The following PHACTR1 variants were observed in gnomAD, a reference collection of about 807,000 sequenced individuals.
The protein encoded by PHACTR1 is RPEL repeat containing 1.
A neutral mutation model predicts 69.2 loss-of-function variants in PHACTR1; 16 were observed. The ratio of observed to expected loss-of-function variants is 0.23; its 90% CI spans 0.16 to 0.35. The LOEUF (loss-of-function observed/expected upper bound fraction) is 0.35. PHACTR1 is among the 10% of genes least tolerant of loss of function. PHACTR1 has a pLI of 1.00. For missense variants in PHACTR1, 510 were observed against 734.7 expected (o/e 0.69, Z 3.54); for synonymous variants, 312 against 284.5 (o/e 1.10, Z -0.97).
intron 4 of PHACTR1, among the ~76,000 whole-genome samples, chr6:12,837,804 G>A (rs1449970744): frequency 1.3e-5 from 2 of 152,210 alleles, no homozygotes; most frequent in African/African-American, 2.4e-5. Flanking sequence ...ACAGTAATAG[G>A]TATGTGTATT....
intron 4 of PHACTR1, among the ~76,000 whole-genome samples, chr6:12,827,246 G>A (rs532369652): frequency 9.9e-5 from 15 of 152,256 alleles, no homozygotes; most frequent in African/African-American, 2.6e-4. Context: ...TAGATGAGAA[G>A]GCAAATTCGC....
intron 1 of PHACTR1, among the ~76,000 whole-genome samples, chr6:12,717,115 C>T (rs529272879): frequency 1.3e-5 from 2 of 152,144 alleles, no homozygotes; most frequent in South Asian, 2.1e-4. Context: ...ATGCCGGTGG[C>T]TGTTCTGTGT....
intron 4 of PHACTR1, among the ~76,000 whole-genome samples, chr6:12,842,407 G>A (rs1778787407): frequency 1.3e-5 from 2 of 152,290 alleles, no homozygotes; most frequent in Middle Eastern, 3.4e-3. Context: ...AGGAGGCTGT[G>A]TAATTTTGCC....
In PHACTR1 at chr6:13,283,183, AGGGTATGT is replaced by A; in HGVS notation, c.1510-238_1510-231del. 1 of 387,360 alleles carries A rather than the reference AGGGTATGT, an allele frequency of 2.6e-6. No homozygotes were observed. Among genetic ancestry groups the A allele is most frequent in the Non-Finnish European group, 4.6e-6 (1 of 219,336 alleles). The allele number at this position is 387,360 out of a possible 1,614,324, so 24.0% of individuals were successfully genotyped here. A position where few individuals can be genotyped will look rare whatever the true frequency, so the allele number is the denominator to read the frequency against. On this transcript the variant is annotated intron_variant, in intron 12 of 14. Coordinates refer to ENST00000332995, the MANE Select transcript of PHACTR1 (RefSeq NM_030948.6). The surrounding 1 kb of genome is among the most constrained non-coding windows in gnomAD (Gnocchi z 4.7). ...TAAAAAAAAAAAGAGCTTGGCCTAG[AGGGTATGT>A]AAGGGATAACAAAGCTCTCTCTTAG...
chr6:12,936,372 A>G (rs1029956497), intron 4 of PHACTR1, among the ~76,000 whole-genome samples: 1 of 152,244 alleles, frequency 6.6e-6, no homozygotes, highest in Non-Finnish European at 1.5e-5. Context: ...ACAAAATTAG[A>G]ATGTAATTGC....
At chr6:12,736,281 G>C (rs1764244995) in intron 3 of PHACTR1, among the ~76,000 whole-genome samples, 1 of 152,082 alleles carries the variant, frequency 6.6e-6, no homozygotes, top group African/African-American at 2.4e-5. Flanking sequence ...AGCTTTTCAT[G>C]AATGATTTTC....
chr6:13,251,056 T>C (rs1264099475), intron 10 of PHACTR1, among the ~76,000 whole-genome samples: 1 of 152,172 alleles, frequency 6.6e-6, no homozygotes, highest in Non-Finnish European at 1.5e-5. Context: ...CTACTGACAG[T>C]GGTCCCTGTG....
intron 8 of PHACTR1, among the ~76,000 whole-genome samples, chr6:13,226,960 T>A (rs1323646717): frequency 2.0e-5 from 3 of 152,096 alleles, no homozygotes; most frequent in African/African-American, 4.8e-5. Context: ...ATGGTCTCGA[T>A]CTCTTGACCC....
chr6:12,968,754 C>T (rs906137121), intron 4 of PHACTR1, among the ~76,000 whole-genome samples: 2 of 152,146 alleles, frequency 1.3e-5, no homozygotes, highest in Non-Finnish European at 2.9e-5. Flanking sequence ...ATAATTGACA[C>T]AAATGGACTC....
At chr6:12,768,835 C>G (rs1039087564) in intron 4 of PHACTR1, among the ~76,000 whole-genome samples, 5 of 150,178 alleles carry the variant, frequency 3.3e-5, no homozygotes, top group African/African-American at 1.2e-4. Context: ...CACACACACA[C>G]ACACACACAC....
At chr6:12,933,539 A>G (rs1789100814) in intron 4 of PHACTR1, 3 of 1,549,178 alleles carry the variant, frequency 1.9e-6, no homozygotes, top group African/African-American at 1.4e-5. Context: ...ACTATTTAAT[A>G]TAATGGATCT....
intron 5 of PHACTR1, among the ~76,000 whole-genome samples, chr6:13,147,866 TA>T (rs2113412766): frequency 6.6e-6 from 1 of 152,292 alleles, no homozygotes; most frequent in Non-Finnish European, 1.5e-5. Context: ...CAGTTGGTCA[TA>T]AAGTGAACAC....
At chr6:12,991,732 G>GT (rs1796839114) in intron 4 of PHACTR1, among the ~76,000 whole-genome samples, 1 of 152,222 alleles carries the variant, frequency 6.6e-6, no homozygotes, top group Non-Finnish European at 1.5e-5. Flanking sequence ...AGAAATGGAA[G>GT]TAGTTTAATT....
intron 5 of PHACTR1, among the ~76,000 whole-genome samples, chr6:13,155,852 C>T (rs1758096380): frequency 6.6e-6 from 1 of 151,652 alleles, no homozygotes; most frequent in Non-Finnish European, 1.5e-5. Flanking sequence ...CATGCCTCTG[C>T]ACTCCAGCCT....
At chr6:12,727,605 C>G (rs1027674041) in intron 3 of PHACTR1, among the ~76,000 whole-genome samples, 1 of 152,164 alleles carries the variant, frequency 6.6e-6, no homozygotes, top group Non-Finnish European at 1.5e-5. Context: ...TTCCTGCTCT[C>G]ACATACCACA....
At position 13,140,823 on chromosome 6, in the gene PHACTR1, A is replaced by G. The variant is rs779571282; in HGVS notation, c.416-19381A>G. Reference sequence around the variant, plus strand: ...AATGTTTGTAAAAAATGAAGCTGTCAGTACCATGGAACTAATAGTTTTGAT... The same window carrying G: ...AATGTTTGTAAAAAATGAAGCTGTCGGTACCATGGAACTAATAGTTTTGAT... On this transcript the variant is annotated intron_variant, in intron 5 of 14. Coordinates refer to ENST00000332995, the MANE Select transcript of PHACTR1 (RefSeq NM_030948.6). Among the ~76,000 whole-genome samples the G allele has an allele frequency of 3.9e-5, 6 of 152,352 alleles. 1 individual carries two copies. The highest frequency in any genetic ancestry group is 1.5e-5 in the Non-Finnish European group (1 of 68,026).
intron 4 of PHACTR1, among the ~76,000 whole-genome samples, chr6:13,019,012 T>TTG (rs1205297286): frequency 6.6e-6 from 1 of 151,416 alleles, no homozygotes; most frequent in Non-Finnish European, 1.5e-5. Context: ...TCTAGCTAAT[T>TTG]TGTGTATATA....
intron 8 of PHACTR1, 109 bp downstream of exon 8, chr6:13,206,245 T>C: frequency 8.8e-7 from 1 of 1,139,528 alleles, no homozygotes; most frequent in Non-Finnish European, 1.2e-6. Flanking sequence ...TCATCCCCAC[T>C]GGGGGAAAAT....
intron 4 of PHACTR1, among the ~76,000 whole-genome samples, chr6:12,774,380 TTTGTTG>T (rs56095538): frequency 3.3e-5 from 5 of 151,510 alleles, no homozygotes; most frequent in Admixed American, 6.6e-5. Context: ...ATATTTGGCT[TTTGTTG>T]TTGTTGTTGT....
Sources: allele counts gnomAD v4.1 joint callset (sites outside exome capture counted in the v4.1 genomes callset), GRCh38; gene constraint gnomAD v4.1.1; non-coding constraint Gnocchi (gnomAD v3.1); transcripts MANE v1.5; gene names NCBI Gene and HGNC (gene_info 2026-07-23, HGNC 2026-07-21).